The following ADAMTS20 variants were observed in gnomAD, a reference collection of about 807,000 sequenced individuals.
ADAMTS20 encodes A disintegrin and metalloproteinase with thrombospondin motifs 20.
A neutral mutation model predicts 260.1 loss-of-function variants in ADAMTS20; 225 were observed. The ratio of observed to expected loss-of-function variants is 0.87; its 90% CI spans 0.78 to 0.97. ADAMTS20 has a LOEUF of 0.97. ADAMTS20 is among the 50% of genes least tolerant of loss of function. ADAMTS20 has a pLI of 0.00. For missense variants in ADAMTS20, 2,400 were observed against 2,337.7 expected, an observed-to-expected ratio of 1.03 and a Z score of -0.55; for synonymous variants, 802 against 769.5, an observed-to-expected ratio of 1.04 and a Z score of -0.70.
intron 3 of ADAMTS20, among the ~76,000 whole-genome samples, chr12:43,524,874 T>C (rs192282641): frequency 1.2e-3 from 190 of 152,294 alleles, no homozygotes; most frequent in Non-Finnish European, 2.3e-3. Context: ...AATCCAAGTC[T>C]GGGATTAGGT....
chr12:43,354,121 G>A lies in ADAMTS20; in HGVS notation c.*88C>T. 1 of 1,002,814 alleles carries A rather than the reference G, an allele frequency of 1.0e-6. No individual in the cohort carries two copies. 62.1% of individuals were successfully genotyped at this position (1,002,814 alleles called of 1,614,324 possible). A position where few individuals can be genotyped will look rare whatever the true frequency, so the allele number is the denominator to read the frequency against. ...GACATATTGGACATGGAAATCTCGG[G>A]AAGGGAGATATAAAGAAATGAGCAC... On this transcript the variant is annotated 3_prime_UTR_variant, in exon 39 of 39. Transcript: ENST00000389420.
At chr12:43,459,885 G>T (rs1474332676) in intron 11 of ADAMTS20, among the ~76,000 whole-genome samples, 1 of 152,106 alleles carries the variant, frequency 6.6e-6, no homozygotes, top group African/African-American at 2.4e-5. Context: ...ACTAGAGCAT[G>T]AAAAAGTTAT....
chr12:43,394,639 C>A (rs2137244576), intron 29 of ADAMTS20, among the ~76,000 whole-genome samples: 1 of 152,260 alleles, frequency 6.6e-6, no homozygotes, highest in East Asian at 1.9e-4. Context: ...ACATGCAGTG[C>A]AGTGACGGCC....
At chr12:43,550,320 TA>T (rs1943494739) in intron 2 of ADAMTS20, among the ~76,000 whole-genome samples, 1 of 152,140 alleles carries the variant, frequency 6.6e-6, no homozygotes, top group Non-Finnish European at 1.5e-5. Context: ...ATAACAGACA[TA>T]ACCAATAGAT....
chr12:43,452,296 A>G lies in ADAMTS20; in HGVS notation c.2057T>C (p.Ile686Thr). 1.2e-6 allele frequency: 2 copies of G among 1,612,168 alleles called. No individual in the cohort carries two copies. Among genetic ancestry groups the G allele is most frequent in the Non-Finnish European group, 8.5e-7 (1 of 1,179,168 alleles). The stretch of plus-strand genomic sequence containing the variant: ...TACCATACACTGGCCTTGAACACAG[A>G]TGTCATGAGTTTCAGTTCCACAAGG... ...GTPCGTETHD[I>T]CVQGQCMAAG... is the part of the protein sequence containing the mutation. Residue 686 changes from isoleucine to threonine, a missense_variant, in exon 14 of 39, where the codon ATC becomes ACC. Transcript: ENST00000389420.
chr12:43,376,495 G>T, intron 33 of ADAMTS20, 29 bp downstream of exon 33: 3 of 1,593,432 alleles, frequency 1.9e-6, no homozygotes, highest in Non-Finnish European at 2.6e-6. Flanking sequence ...AAACCCTTAG[G>T]TATTAGATTT....
At chr12:43,373,518 A>C (rs916702809) in intron 36 of ADAMTS20, among the ~76,000 whole-genome samples, 1 of 151,950 alleles carries the variant, frequency 6.6e-6, no homozygotes, top group Non-Finnish European at 1.5e-5. Context: ...AAAAAGTCAC[A>C]AAAAAAATCT....
At chr12:43,360,921 A>G (rs1016170259) in intron 37 of ADAMTS20, among the ~76,000 whole-genome samples, 6 of 152,254 alleles carry the variant, frequency 3.9e-5, no homozygotes, top group African/African-American at 9.6e-5. Flanking sequence ...CATTAGCCGA[A>G]TATGATTATT....
downstream of ADAMTS20, among the ~76,000 whole-genome samples, chr12:43,353,479 T>C (rs550417173): frequency 6.6e-6 from 1 of 151,984 alleles, no homozygotes; most frequent in East Asian, 1.9e-4. Context: ...ATTGTTCTTA[T>C]AAGTACAATC....
At chr12:43,446,362 C>T (rs185431717) in intron 15 of ADAMTS20, among the ~76,000 whole-genome samples, 2 of 152,278 alleles carry the variant, frequency 1.3e-5, no homozygotes, top group Admixed American at 6.5e-5. Context: ...GCACCTAATA[C>T]ATTTTTAAGA....
At position 43,552,090 on chromosome 12, in the gene ADAMTS20, G is replaced by A. The variant is rs975517205; in HGVS notation, c.-169C>T. Among the ~76,000 whole-genome samples, 3 of 152,134 alleles carry A rather than the reference G, an allele frequency of 2.0e-5. No individual in the cohort carries two copies. Among genetic ancestry groups the A allele is most frequent in the Non-Finnish European group, 4.4e-5 (3 of 68,028 alleles). ...CTGGGCCGGCTGGTCCAGCCACACC[G>A]CCTGTCTCCGCTCGCTGAGCCGCTG... On this transcript the variant is annotated 5_prime_UTR_variant, in exon 1 of 39. Coordinates refer to ENST00000389420, the MANE Select transcript of ADAMTS20 (RefSeq NM_025003.5).
At position 43,429,674 on chromosome 12, in the gene ADAMTS20, T is replaced by C; in HGVS notation, c.3432A>G (p.Leu1144=). ...TCTTTTTTATGAGAACAGTTGGTAA[T>C]AAAGCGGTCTCAAGTTTAGAAATAA... ...CSFISKLETA[L]LPTVLIKKMA... Residue 1144 remains leucine (L), a synonymous_variant, in exon 24 of 39, where the codon TTA becomes TTG. Transcript: ENST00000389420. 6.3e-7 allele frequency: 1 copy of C among 1,599,888 alleles called. No homozygotes were observed. Among genetic ancestry groups the C allele is most frequent in the South Asian group, 1.1e-5 (1 of 88,370 alleles).
At chr12:43,434,129 G>A in intron 19 of ADAMTS20, 116 bp downstream of exon 19, 1 of 1,134,354 alleles carries the variant, frequency 8.8e-7, no homozygotes, top group Non-Finnish European at 1.2e-6. Context: ...TTTTTTCATG[G>A]CATGGCAGAT....
intron 3 of ADAMTS20, among the ~76,000 whole-genome samples, chr12:43,506,483 T>TC (rs1370669382): frequency 1.4e-5 from 2 of 143,368 alleles, no homozygotes; most frequent in Non-Finnish European, 3.0e-5. Context: ...CATGTTACCT[T>TC]TTTTTTTTTT....
intron 6 of ADAMTS20, among the ~76,000 whole-genome samples, chr12:43,492,179 G>C (rs1942609515): frequency 6.6e-6 from 1 of 152,068 alleles, no homozygotes; most frequent in African/African-American, 2.4e-5. Context: ...AGGAGATCGA[G>C]ACCATCCTGG....
At position 43,375,498 on chromosome 12, in the gene ADAMTS20, T is replaced by C. The variant is rs1940206520; in HGVS notation, c.5327A>G (p.Tyr1776Cys). The C allele has an allele frequency of 1.2e-6, 2 of 1,613,386 alleles. No individual in the cohort carries two copies. Among genetic ancestry groups the C allele is most frequent in the Middle Eastern group, 1.7e-4 (1 of 6,054 alleles). Residue 1776 changes from tyrosine to cysteine, a missense_variant, in exon 36 of 39, where the codon TAT becomes TGT. Transcript: ENST00000389420. ...EVYGFRLKNP[Y>C]QCPFNGSRRE... ...TCTACTCCCATTAAAAGGACATTGA[T>C]ATGGATTTTTTAGTCTGTAACAACA...
intron 29 of ADAMTS20, among the ~76,000 whole-genome samples, chr12:43,386,494 T>C (rs1282992077): frequency 1.3e-5 from 2 of 152,194 alleles, no homozygotes; most frequent in Non-Finnish European, 1.5e-5. Context: ...ACTACCTTTG[T>C]AGTGTTCTCT....
At chr12:43,376,007 C>T in intron 35 of ADAMTS20, 50 bp downstream of exon 35, 3 of 1,369,096 alleles carry the variant, frequency 2.2e-6, no homozygotes, top group Non-Finnish European at 3.0e-6. Context: ...AGTTCCAATT[C>T]TCTTGGAGGA....
chr12:43,478,750 T>C (rs12580636), intron 7 of ADAMTS20, among the ~76,000 whole-genome samples: 29,862 of 152,130 alleles, frequency 0.2, 3,311 homozygotes, highest in South Asian at 0.33. Flanking sequence ...AACCTAGAAT[T>C]GGTAACTAGA....
Sources: allele counts gnomAD v4.1 joint callset (sites outside exome capture counted in the v4.1 genomes callset), GRCh38; gene constraint gnomAD v4.1.1; transcripts MANE v1.5; gene names NCBI Gene and HGNC (gene_info 2026-07-23, HGNC 2026-07-21).